The following STK32B variants were observed in gnomAD, a reference collection of about 807,000 sequenced individuals.
STK32B encodes serine/threonine kinase 32B.
STK32B carries 43 observed loss-of-function variants against 52.6 expected under a neutral mutation model. That is an observed-to-expected ratio of 0.82 (90% CI 0.64 to 1.05). STK32B has a LOEUF of 1.05. Among genes scored for constraint, STK32B ranks in the 50% least tolerant of loss-of-function variants. STK32B has a pLI of 0.00. For missense variants in STK32B, 621 were observed against 534.6 expected, an observed-to-expected ratio of 1.16 and a Z score of -1.59; for synonymous variants, 238 against 204.3, an observed-to-expected ratio of 1.17 and a Z score of -1.41.
chr4:5,142,938 G>A (rs912544702), intron 2 of STK32B, among the ~76,000 whole-genome samples: 7 of 152,204 alleles, frequency 4.6e-5, no homozygotes, highest in African/African-American at 1.7e-4. Flanking sequence ...CCTGATGAAG[G>A]AGGAATTCTG....
chr4:5,068,590 T>A (rs932511452), intron 1 of STK32B, among the ~76,000 whole-genome samples: 2 of 152,134 alleles, frequency 1.3e-5, no homozygotes, highest in Admixed American at 6.6e-5. Context: ...ACTGAAAAGC[T>A]CTTTCCCTCA....
Position 5,358,217 on chromosome 4 carries a change from T to G in STK32B, c.434+26824T>G, listed in dbSNP as rs568992359. On this transcript the variant is annotated intron_variant, in intron 4 of 11. Transcript: ENST00000282908. ...GAGAGTGTTTATGTTAGATAATAAA[T>G]TTTGGAAATAGGGACTTGGGTCGTA... Among the ~76,000 whole-genome samples, 8 of 152,304 alleles carry G rather than the reference T, an allele frequency of 5.3e-5. No homozygotes were observed. In the East Asian group the frequency reaches 9.6e-4, roughly 18 times the overall value.
intron 11 of STK32B, among the ~76,000 whole-genome samples, chr4:5,495,962 C>T (rs35308640): frequency 0.055 from 8,334 of 152,126 alleles, 229 homozygotes; most frequent in Middle Eastern, 0.075. Flanking sequence ...AGTACCCGGC[C>T]GTGTGATGTG....
chr4:5,455,261 G>C (rs1451001922), intron 7 of STK32B, among the ~76,000 whole-genome samples: 1 of 152,208 alleles, frequency 6.6e-6, no homozygotes, highest in East Asian at 1.9e-4. Flanking sequence ...CAGCCCTGTG[G>C]GAATTGCCGT....
At chr4:5,474,891 G>A (rs1380847888) in intron 11 of STK32B, among the ~76,000 whole-genome samples, 1 of 152,188 alleles carries the variant, frequency 6.6e-6, no homozygotes. Context: ...GCCCAATGAG[G>A]TGGAGGGGAG....
intron 3 of STK32B, among the ~76,000 whole-genome samples, chr4:5,209,151 A>G (rs1171191618): frequency 6.6e-6 from 1 of 152,212 alleles, no homozygotes; most frequent in Non-Finnish European, 1.5e-5. Flanking sequence ...GGACTAACAT[A>G]TTAACAGTAG....
intron 11 of STK32B, among the ~76,000 whole-genome samples, chr4:5,473,576 G>GC (rs1005932025): frequency 6.6e-6 from 1 of 152,142 alleles, no homozygotes; most frequent in Admixed American, 6.5e-5. Context: ...TGGCTCCAGA[G>GC]CCCCAGGCTG....
At position 5,159,548 on chromosome 4, in the gene STK32B, TATGAATATATATGA is replaced by T. The variant is rs1264638062; in HGVS notation, c.109-8734_109-8721del. Among the ~76,000 whole-genome samples the T allele has an allele frequency of 2.7e-4, 24 of 90,300 alleles. 1 individual carries two copies. Among genetic ancestry groups the T allele is most frequent in the African/African-American group, 1.0e-3 (18 of 17,836 alleles). The allele number at this position is 90,300 out of a possible 152,430, so 59.2% of individuals were successfully genotyped here. A position where few individuals can be genotyped will look rare whatever the true frequency, so the allele number is the denominator to read the frequency against. Reference sequence around the variant, plus strand: ...TGATATATATGTATATATGTATATATATGAATATATATGAATGAATATATATGAATATATATATG... The same window carrying T: ...TGATATATATGTATATATGTATATATATGAATATATATGAATATATATATG... On this transcript the variant is annotated intron_variant, in intron 2 of 11. Coordinates refer to ENST00000282908, the MANE Select transcript of STK32B (RefSeq NM_018401.3).
intron 1 of STK32B, among the ~76,000 whole-genome samples, chr4:5,110,820 C>G (rs1304268059): frequency 1.3e-5 from 2 of 151,898 alleles, no homozygotes; most frequent in African/African-American, 4.8e-5. Flanking sequence ...ACAGAATAAA[C>G]AGACAGCCTA....
chr4:5,336,557 AT>A (rs147842447), intron 4 of STK32B, among the ~76,000 whole-genome samples: 4,011 of 152,184 alleles, frequency 0.026, 174 homozygotes, highest in African/African-American at 0.091. Flanking sequence ...AAGAAATAGC[AT>A]TTTTTTTAAA....
chr4:5,052,291 G>A (rs1256811299), intron 1 of STK32B, among the ~76,000 whole-genome samples: 1 of 152,160 alleles, frequency 6.6e-6, no homozygotes, highest in Non-Finnish European at 1.5e-5. Context: ...TGAGGCTGAC[G>A]GAGGTGGCCT....
intron 6 of STK32B, among the ~76,000 whole-genome samples, chr4:5,430,149 C>T (rs1217466704): frequency 6.6e-6 from 1 of 152,002 alleles, no homozygotes; most frequent in African/African-American, 2.4e-5. Context: ...AATTCTTGGT[C>T]ATTATCTCTG....
chr4:5,488,942 C>T (rs1332242770), intron 11 of STK32B, among the ~76,000 whole-genome samples: 1 of 151,856 alleles, frequency 6.6e-6, no homozygotes, highest in Non-Finnish European at 1.5e-5. Flanking sequence ...TTAAAAACTT[C>T]ATATTTTTAT....
chr4:5,043,129 A>C, the STK32B span, among the ~76,000 whole-genome samples: 165 of 151,550 alleles, frequency 1.1e-3, 2 homozygotes, highest in East Asian at 0.027. Context: ...AAAAAAAAAA[A>C]AAAAAAACCT....
Position 5,440,810 on chromosome 4 carries a change from A to C in STK32B, c.563-5863A>C, listed in dbSNP as rs973859117. On this transcript the variant is annotated intron_variant, in intron 6 of 11. Transcript: ENST00000282908. Reference sequence around the variant, plus strand: ...ACCTAATTTATTGAGAGTTTTTAGCATGAAGGGTTGTTGAATTTTGTCAAA... The same window carrying C: ...ACCTAATTTATTGAGAGTTTTTAGCCTGAAGGGTTGTTGAATTTTGTCAAA... Among the ~76,000 whole-genome samples, 205 of 152,192 alleles carry C rather than the reference A, an allele frequency of 1.3e-3. 1 individual carries two copies. Among genetic ancestry groups the C allele is most frequent in the African/African-American group, 3.9e-3 (161 of 41,510 alleles).
rs1314895116 is a variant in STK32B at position 5,380,622 on chromosome 4, C to T, written c.435-17585C>T. Reference sequence around the variant, plus strand: ...TACCCATGACACGCAGATGCCTTTACCAGGGTGGCTGGTGGCACAAGGCCC... The same window carrying T: ...TACCCATGACACGCAGATGCCTTTATCAGGGTGGCTGGTGGCACAAGGCCC... On this transcript the variant is annotated intron_variant, in intron 4 of 11. Coordinates refer to ENST00000282908, the MANE Select transcript of STK32B (RefSeq NM_018401.3). This position sits in a 1 kb window ranked among gnomAD's most constrained non-coding sequence, Gnocchi z 4.3. Among the ~76,000 whole-genome samples the T allele has an allele frequency of 3.3e-5, 5 of 152,310 alleles. No individual in the cohort carries two copies. In the Middle Eastern group the frequency reaches 0.014, roughly 414 times the overall value.
chr4:5,281,003 G>A (rs1046225148), intron 3 of STK32B, among the ~76,000 whole-genome samples: 3 of 152,152 alleles, frequency 2.0e-5, no homozygotes, highest in Admixed American at 6.5e-5. Flanking sequence ...TCTGAAAGCT[G>A]TACAGGAGGC....
At chr4:5,290,271 ATAAACTTT>A (rs934780407) in intron 3 of STK32B, among the ~76,000 whole-genome samples, 6 of 152,174 alleles carry the variant, frequency 3.9e-5, no homozygotes, top group African/African-American at 1.2e-4. Flanking sequence ...TTTTAACTTT[ATAAACTTT>A]TAAATATTTT....
At chr4:5,446,599 T>C in intron 6 of STK32B, 74 bp from the exon 7 acceptor site, 1 of 1,216,476 alleles carries the variant, frequency 8.2e-7, no homozygotes, top group South Asian at 1.3e-5. Flanking sequence ...ATTTCTCTCC[T>C]TGTCCCCTCT....
Sources: allele counts gnomAD v4.1 joint callset (sites outside exome capture counted in the v4.1 genomes callset), GRCh38; gene constraint gnomAD v4.1.1; non-coding constraint Gnocchi (gnomAD v3.1); transcripts MANE v1.5; gene names NCBI Gene and HGNC (gene_info 2026-07-23, HGNC 2026-07-21).